Variants in G3BP2 observed in about 807,000 individuals in gnomAD.
G3BP2 encodes ras GTPase-activating protein-binding protein 2.
In G3BP2, 11 loss-of-function variants were observed where a neutral mutation model predicts 56.7. That is an observed-to-expected ratio of 0.19 (90% CI 0.12 to 0.32). G3BP2 has a LOEUF of 0.32. Among genes scored for constraint, G3BP2 ranks in the 10% least tolerant of loss-of-function variants. G3BP2 has a pLI of 1.00. For missense variants in G3BP2, 340 were observed against 610.9 expected, an observed-to-expected ratio of 0.56 and a Z score of 4.67; for synonymous variants, 165 against 191.6, an observed-to-expected ratio of 0.86 and a Z score of 1.15.
intron 3 of G3BP2, among the ~76,000 whole-genome samples, chr4:75,687,729 A>C (rs1718671470): frequency 1.3e-5 from 2 of 152,196 alleles, no homozygotes; most frequent in Admixed American, 1.3e-4. Context: ...CCATGCCCTG[A>C]GAGTGACCCG....
intron 1 of G3BP2, among the ~76,000 whole-genome samples, chr4:75,671,668 C>T (rs2149043366): frequency 6.6e-6 from 1 of 152,250 alleles, no homozygotes; most frequent in African/African-American, 2.4e-5. Context: ...CTTATTATTC[C>T]TACAATTCCT....
At chr4:75,650,561 T>C (rs932022269) in intron 8 of G3BP2, among the ~76,000 whole-genome samples, 3 of 152,180 alleles carry the variant, frequency 2.0e-5, no homozygotes, top group African/African-American at 7.2e-5. Context: ...CTAAATTCTG[T>C]TTTCCTCTAT....
chr4:75,655,185 C>T lies in G3BP2; in HGVS notation c.607G>A (p.Glu203Lys). ...SHEPEPEPESETKTEELKPQV... is the reference protein window; with the variant it reads ...SHEPEPEPESKTKTEELKPQV... ...GGTTTCAGCTCTTCAGTCTTTGTTT[C>T]AGATTCTGGCTCAGGTTCAGGTTCA... is the stretch of plus-strand genomic sequence containing the variant. The change falls in exon 7 of 12, where the codon GAA (glutamate) becomes AAA (lysine). Residue 203 changes from glutamate (E) to lysine (K), a missense_variant. Transcript: ENST00000359707. 6.2e-7 allele frequency: 1 copy of T among 1,613,718 alleles called. No individual in the cohort carries two copies. The highest frequency in any genetic ancestry group is 8.5e-7 in the Non-Finnish European group (1 of 1,179,644).
chr4:75,657,958 C>T (rs1732237962), intron 3 of G3BP2, among the ~76,000 whole-genome samples: 2 of 152,146 alleles, frequency 1.3e-5, no homozygotes, highest in African/African-American at 4.8e-5. Flanking sequence ...ACAGCTTTCT[C>T]CCACTTTTCT....
chr4:75,700,629 C>T (rs1483937456), intron 3 of G3BP2, among the ~76,000 whole-genome samples: 2 of 149,124 alleles, frequency 1.3e-5, no homozygotes, highest in African/African-American at 4.9e-5. Context: ...CCATGTTGGT[C>T]AGGCTGGTCT....
At chr4:75,716,338 TA>T (rs1261703560) in intron 3 of G3BP2, among the ~76,000 whole-genome samples, 4 of 151,908 alleles carry the variant, frequency 2.6e-5, no homozygotes, top group African/African-American at 9.7e-5. Context: ...CCCAGCCAGC[TA>T]ATTTTTTGTA....
chr4:75,681,291 T>A (rs1260200957), intron 3 of G3BP2, among the ~76,000 whole-genome samples: 1 of 151,206 alleles, frequency 6.6e-6, no homozygotes, highest in Non-Finnish European at 1.5e-5. Flanking sequence ...GCCACTGCAC[T>A]CCAGCCTGGG....
At position 75,643,449 on chromosome 4, in the gene G3BP2, A is replaced by G. The variant is rs904750409; in HGVS notation, c.*1981T>C. On this transcript the variant is annotated 3_prime_UTR_variant, in exon 12 of 12. Coordinates refer to ENST00000359707, the MANE Select transcript of G3BP2 (RefSeq NM_203505.3). ...TTTTCTGGTAAGAATTTCAAGTACT[A>G]TATCAGAAAGTATAAAACTGTTTCA... The G allele has an allele frequency of 3.3e-5, 5 of 150,826 alleles. No individual in the cohort carries two copies. Among genetic ancestry groups the G allele is most frequent in the Non-Finnish European group, 4.4e-5 (3 of 67,630 alleles). 9.3% of individuals were successfully genotyped at this position (150,826 alleles called of 1,614,324 possible). A position where few individuals can be genotyped will look rare whatever the true frequency, so the allele number is the denominator to read the frequency against.
intron 3 of G3BP2, among the ~76,000 whole-genome samples, chr4:75,713,302 A>C (rs932440776): frequency 6.6e-6 from 1 of 152,226 alleles, no homozygotes; most frequent in Admixed American, 6.5e-5. Context: ...CAGACTGGCA[A>C]CCACCAATGA....
intron 2 of G3BP2, chr4:75,661,706 G>T (rs1732576988): frequency 2.2e-6 from 1 of 457,706 alleles, no homozygotes; most frequent in Non-Finnish European, 4.0e-6. Context: ...TGCATATATA[G>T]ATATGAATGT....
At chr4:75,666,100 T>C (rs540540877) in intron 1 of G3BP2, among the ~76,000 whole-genome samples, 1 of 152,264 alleles carries the variant, frequency 6.6e-6, no homozygotes, top group South Asian at 2.1e-4. Flanking sequence ...ACATATATAA[T>C]ATCACAGGTC....
chr4:75,673,391 G>GTTT lies in G3BP2; in HGVS notation c.-209_-208insAAA. 8.1e-7 allele frequency: 1 copy of GTTT among 1,232,200 alleles called. No individual in the cohort carries two copies. Among genetic ancestry groups the GTTT allele is most frequent in the South Asian group, 4.1e-5 (1 of 24,324 alleles). The allele number at this position is 1,232,200 out of a possible 1,614,324, so 76.3% of individuals were successfully genotyped here. On this transcript the variant is annotated 5_prime_UTR_variant, in exon 1 of 12. Transcript: ENST00000359707. The stretch of plus-strand genomic sequence containing the variant: ...CTTCCCGGGCGCCAGGCGCTGCGAC[G>GTTT]TGCGACAAGGACCACGGACGTCCCG...
intron 3 of G3BP2, among the ~76,000 whole-genome samples, chr4:75,712,271 A>ACT (rs1475103138): frequency 6.6e-6 from 1 of 152,048 alleles, no homozygotes; most frequent in African/African-American, 2.4e-5. Context: ...TCCTGTGTAA[A>ACT]TATTTTAAAC....
upstream of G3BP2, among the ~76,000 whole-genome samples, chr4:75,674,652 G>A (rs1733766122): frequency 6.9e-6 from 1 of 145,630 alleles, no homozygotes; most frequent in African/African-American, 2.5e-5. Context: ...ACAGCCTTCT[G>A]AGCCTCACAG....
chr4:75,651,499 A>AC (rs1731697857), intron 8 of G3BP2, among the ~76,000 whole-genome samples: 1 of 152,210 alleles, frequency 6.6e-6, no homozygotes, highest in South Asian at 2.1e-4. Flanking sequence ...ATCTGACTTT[A>AC]AGTAGATATC....
chr4:75,643,316 TGGAAAC>T lies in G3BP2; in HGVS notation c.*2108_*2113del, dbSNP rs1560604909. The T allele has an allele frequency of 5.2e-5, 7 of 134,932 alleles. No homozygotes were observed. Among genetic ancestry groups the T allele is most frequent in the Non-Finnish European group, 6.5e-5 (4 of 61,878 alleles). The allele number at this position is 134,932 out of a possible 1,614,324, so 8.4% of individuals were successfully genotyped here. ...GAAATTATATATATATATATATATA[TGGAAAC>T]AGAAATACAAGAAAATATGCTTGGG... On this transcript the variant is annotated 3_prime_UTR_variant, in exon 12 of 12. Coordinates refer to ENST00000359707, the MANE Select transcript of G3BP2 (RefSeq NM_203505.3).
intron 3 of G3BP2, among the ~76,000 whole-genome samples, chr4:75,687,162 AATCTT>A (rs1560413778): frequency 1.3e-5 from 2 of 152,116 alleles, no homozygotes; most frequent in African/African-American, 2.4e-5. Context: ...TCCCCACCCA[AATCTT>A]ATCTTATAGT....
intron 8 of G3BP2, among the ~76,000 whole-genome samples, chr4:75,651,706 A>G (rs1387678600): frequency 6.6e-6 from 1 of 152,224 alleles, no homozygotes; most frequent in Non-Finnish European, 1.5e-5. Flanking sequence ...AATTAATTCC[A>G]TGCAACCAGA....
chr4:75,700,439 G>A (rs1221624748), intron 3 of G3BP2, among the ~76,000 whole-genome samples: 1 of 140,376 alleles, frequency 7.1e-6, no homozygotes, highest in Non-Finnish European at 1.5e-5. Flanking sequence ...TTTTTTTTTT[G>A]AGACGAAGTC....
Sources: allele counts gnomAD v4.1 joint callset (sites outside exome capture counted in the v4.1 genomes callset), GRCh38; gene constraint gnomAD v4.1.1; transcripts MANE v1.5; gene names NCBI Gene and HGNC (gene_info 2026-07-23, HGNC 2026-07-21).